The following IQSEC1 variants were observed in gnomAD, a reference collection of about 807,000 sequenced individuals.
The protein encoded by IQSEC1 is IQ motif and Sec7 domain ArfGEF 1.
IQSEC1 carries 31 observed loss-of-function variants against 91.0 expected under a neutral mutation model. The observed-to-expected ratio is 0.34, with a 90% CI of 0.26 to 0.46. The LOEUF (loss-of-function observed/expected upper bound fraction) is 0.46. Ranked by LOEUF, IQSEC1 falls within the 20% of genes least tolerant of loss-of-function variation. The probability of loss-of-function intolerance (pLI) is 1.00; values close to 1 mark genes in which losing one functional copy is unlikely to be tolerated. For missense variants in IQSEC1, 1,388 were observed against 1,575.6 expected, an observed-to-expected ratio of 0.88 and a Z score of 2.02; for synonymous variants, 699 against 662.6, an observed-to-expected ratio of 1.05 and a Z score of -0.84.
chr3:13,228,575 T>G (rs1489681453), intron 1 of IQSEC1, among the ~76,000 whole-genome samples: 1 of 152,274 alleles, frequency 6.6e-6, no homozygotes, highest in Non-Finnish European at 1.5e-5. Context: ...TATTTTAGCT[T>G]GCAAAGGTCC....
At chr3:13,278,243 G>A (rs1695726471) in intron 1 of IQSEC1, among the ~76,000 whole-genome samples, 1 of 152,056 alleles carries the variant, frequency 6.6e-6, no homozygotes, top group Admixed American at 6.5e-5. Context: ...CCACTCCACT[G>A]GGCTTCCCCC....
chr3:13,093,931 T>G (rs1254408077), intron 2 of IQSEC1, among the ~76,000 whole-genome samples: 1 of 152,202 alleles, frequency 6.6e-6, no homozygotes, highest in African/African-American at 2.4e-5. Context: ...GAGATGGGCT[T>G]GTAACCTGAG....
intron 2 of IQSEC1, among the ~76,000 whole-genome samples, chr3:13,081,149 G>A (rs866326727): frequency 1.7e-4 from 26 of 152,166 alleles, no homozygotes; most frequent in African/African-American, 4.1e-4. Flanking sequence ...ATATAACAGC[G>A]TGTCCATAAC....
At chr3:13,033,053 C>T (rs1453881457) in intron 1 of IQSEC1, among the ~76,000 whole-genome samples, 1 of 152,000 alleles carries the variant, frequency 6.6e-6, no homozygotes, top group Non-Finnish European at 1.5e-5. Context: ...AAACAACAGC[C>T]TGTGTTTATT....
At chr3:13,122,589 G>A (rs1003571977) in intron 2 of IQSEC1, among the ~76,000 whole-genome samples, 3 of 152,188 alleles carry the variant, frequency 2.0e-5, no homozygotes, top group African/African-American at 4.8e-5. Context: ...GGTAGGGGCA[G>A]TGTGTGGCTC....
At position 12,909,399 on chromosome 3, in the gene IQSEC1, G is replaced by A. The variant is rs756181588; in HGVS notation, c.2452C>T (p.Pro818Ser). 1.2e-6 allele frequency: 2 copies of A among 1,614,014 alleles called. No individual in the cohort carries two copies. Among genetic ancestry groups the A allele is most frequent in the Non-Finnish European group, 1.7e-6 (2 of 1,180,012 alleles). The change falls in exon 11 of 14, where the codon CCC (proline) becomes TCC (serine). Residue 818 changes from proline to serine, a missense_variant. By Grantham distance (74) the Pro-to-Ser change is moderately conservative (BLOSUM62 -1). Coordinates refer to ENST00000613206, the MANE Select transcript of IQSEC1 (RefSeq NM_001134382.3). This position sits in a 1 kb window ranked among gnomAD's most constrained non-coding sequence, Gnocchi z 4.9. Reference sequence around the variant, plus strand: ...ATTAACACTTTGATATCTGCTCCGGGGACAGACGAGGTGAGCCGGATGCCA... The same window carrying A: ...ATTAACACTTTGATATCTGCTCCGGAGACAGACGAGGTGAGCCGGATGCCA... Reference protein sequence around the residue: ...PNGIRLTSSVPGADIKVLINF... With the variant: ...PNGIRLTSSVSGADIKVLINF...
At chr3:13,064,565 G>A (rs867899927) in intron 1 of IQSEC1, among the ~76,000 whole-genome samples, 1 of 152,236 alleles carries the variant, frequency 6.6e-6, no homozygotes, top group Non-Finnish European at 1.5e-5. Flanking sequence ...TGGGCACTCT[G>A]GCACCATGAG....
In IQSEC1 at chr3:12,983,583, G is replaced by C. The variant is rs193256130; in HGVS notation, c.24-41718C>G. 2.6e-5 allele frequency among the ~76,000 whole-genome samples: 4 copies of C among 152,094 alleles called. No individual in the cohort carries two copies. The highest frequency in any genetic ancestry group is 5.9e-5 in the Non-Finnish European group (4 of 67,998). On this transcript the variant is annotated intron_variant, in intron 1 of 13. Transcript: ENST00000613206. This position sits in a 1 kb window ranked among gnomAD's most constrained non-coding sequence, Gnocchi z 4.3. ...CCAGCCTTGAGCAGGGTGCCCAGAG[G>C]GGGTGCTGAGCCAGCCCCTGGAGCC...
Position 12,908,581 on chromosome 3 carries a change from G to A in IQSEC1, c.2579-56C>T. The A allele has an allele frequency of 6.4e-7, 1 of 1,573,942 alleles. No individual in the cohort carries two copies. Among genetic ancestry groups the A allele is most frequent in the Non-Finnish European group, 8.7e-7 (1 of 1,146,868 alleles). On this transcript the variant is annotated intron_variant, in intron 11 of 13. Coordinates refer to ENST00000613206, the MANE Select transcript of IQSEC1 (RefSeq NM_001134382.3). The surrounding 1 kb of genome is among the most constrained non-coding windows in gnomAD (Gnocchi z 4.9). ...GAGGAGCACAGCCTAGAGTGGGCAG[G>A]AGACGGGGCCTTCTGCTTGGAGCTA... is the stretch of plus-strand genomic sequence containing the variant.
intron 1 of IQSEC1, among the ~76,000 whole-genome samples, chr3:13,220,070 G>A (rs1373956584): frequency 6.6e-6 from 1 of 152,262 alleles, no homozygotes; most frequent in African/African-American, 2.4e-5. Flanking sequence ...CCCGTCACAG[G>A]CTCCTGCTGG....
rs1456175759 is a variant in IQSEC1, at chr3:12,901,251, C to T, written c.3077G>A (p.Gly1026Glu). Residue 1026 changes from glycine (G) to glutamate (E), a missense_variant, in exon 14 of 14, where the codon GGG (glycine) becomes GAG (glutamate). By Grantham distance (98) the Gly-to-Glu change is moderately conservative. This residue lies in a region of IQSEC1 where 329 missense variants were observed against 257.8 expected (regional missense o/e 1.28). Coordinates refer to ENST00000613206, the MANE Select transcript of IQSEC1 (RefSeq NM_001134382.3). ...CATGTGGCAGTACTGGGTGTGATGC[C>T]CGTGCATGGCGGCCTGCGGCAGCCC... ...PEGLPQAAMH[G>E]HHTQYCHMQN... 1.3e-6 allele frequency: 2 copies of T among 1,548,108 alleles called. No homozygotes were observed. Among genetic ancestry groups the T allele is most frequent in the South Asian group, 2.4e-5 (2 of 83,974 alleles).
At chr3:13,249,066 C>A (rs1023687118) in intron 1 of IQSEC1, among the ~76,000 whole-genome samples, 3 of 152,008 alleles carry the variant, frequency 2.0e-5, no homozygotes, top group Admixed American at 1.3e-4. Context: ...TGTCTCTCAT[C>A]ACTGGAATTC....
In IQSEC1 at chr3:13,207,976, A is replaced by C. The variant is rs1161572330; in HGVS notation, c.273-43843T>G. On this transcript the variant is annotated intron_variant, in intron 1 of 15. Transcript: ENST00000648114. The surrounding 1 kb of genome is among the most constrained non-coding windows in gnomAD (Gnocchi z 4.8). ...CACATAGCAGTTGCTCAACAAATGC[A>C]TCTTGAATGAACGAATAAATCACTG... Among the ~76,000 whole-genome samples the C allele has an allele frequency of 6.6e-6, 1 of 152,216 alleles. No homozygotes were observed. Among genetic ancestry groups the C allele is most frequent in the East Asian group, 1.9e-4 (1 of 5,206 alleles).
At chr3:13,244,633 C>T (rs888108546) in intron 1 of IQSEC1, among the ~76,000 whole-genome samples, 4 of 152,200 alleles carry the variant, frequency 2.6e-5, no homozygotes, top group African/African-American at 7.2e-5. Flanking sequence ...ACCAACCAGC[C>T]CAGGCACTCC....
intron 1 of IQSEC1, among the ~76,000 whole-genome samples, chr3:13,229,558 G>A (rs932326041): frequency 3.9e-5 from 6 of 152,226 alleles, no homozygotes; most frequent in Non-Finnish European, 5.9e-5. Context: ...ACAAATGCAG[G>A]GGAAATGTGG....
chr3:13,273,556 G>C (rs1430897740), intron 1 of IQSEC1, among the ~76,000 whole-genome samples: 2 of 152,162 alleles, frequency 1.3e-5, no homozygotes, highest in African/African-American at 4.8e-5. Context: ...GATTGTTGGG[G>C]GAAAAGAGAG....
intron 1 of IQSEC1, among the ~76,000 whole-genome samples, chr3:13,012,037 C>A (rs943757325): frequency 6.6e-6 from 1 of 152,178 alleles, no homozygotes; most frequent in Non-Finnish European, 1.5e-5. Flanking sequence ...CCAGAGGCTG[C>A]GGAGTGGCCA....
chr3:13,208,561 T>C (rs926223757), intron 1 of IQSEC1, among the ~76,000 whole-genome samples: 1 of 152,106 alleles, frequency 6.6e-6, no homozygotes, highest in Non-Finnish European at 1.5e-5. Flanking sequence ...TCTGCCTTGG[T>C]CCCCGATCCC....
chr3:13,039,943 C>A (rs998387929), intron 1 of IQSEC1, among the ~76,000 whole-genome samples: 22 of 152,248 alleles, frequency 1.4e-4, no homozygotes, highest in African/African-American at 5.3e-4. Context: ...GGACAAGCTA[C>A]TTCTCCCCGT....
Sources: allele counts gnomAD v4.1 joint callset (sites outside exome capture counted in the v4.1 genomes callset), GRCh38; gene constraint gnomAD v4.1.1; regional missense constraint gnomAD v4.1.1; non-coding constraint Gnocchi (gnomAD v3.1); transcripts MANE v1.5; gene names NCBI Gene and HGNC (gene_info 2026-07-23, HGNC 2026-07-21).